Variants in SZT2 observed in about 807,000 individuals in gnomAD.
The protein encoded by SZT2 is KICSTOR complex protein SZT2.
SZT2 carries 216 observed loss-of-function variants against 404.2 expected under a neutral mutation model. That is an observed-to-expected ratio of 0.53 (90% CI 0.48 to 0.60). The LOEUF (loss-of-function observed/expected upper bound fraction) is 0.60, where lower values mean the gene tolerates loss of function less well. Among genes scored for constraint, SZT2 ranks in the 20% least tolerant of loss-of-function variants. SZT2 has a pLI of 0.00. For missense variants in SZT2, 3,857 were observed against 4,459.2 expected (o/e 0.86, Z 3.85); for synonymous variants, 1,693 against 1,749.9 (o/e 0.97, Z 0.81).
chr1:43,430,068 T>G lies in SZT2; in HGVS notation c.4366T>G (p.Tyr1456Asp). ...CCGCACAGTGCCTTCCAATCCCCAC[T>G]ACTTCTTCTATTGCCCTCCATCCAG... is the stretch of plus-strand genomic sequence containing the variant. ...HFRTVPSNPH[Y>D]FFYCPPSSRR... is the part of the protein sequence containing the mutation. The change falls in exon 30 of 72, where the codon TAC becomes GAC. Residue 1456 changes from tyrosine (Y) to aspartate (D), a missense_variant. By Grantham distance (160) the Tyr-to-Asp change is radical (BLOSUM62 -3). Coordinates refer to ENST00000634258, the MANE Select transcript of SZT2 (RefSeq NM_001365999.1). 6.2e-7 allele frequency: 1 copy of G among 1,614,174 alleles called. No homozygotes were observed. Among genetic ancestry groups the G allele is most frequent in the Non-Finnish European group, 8.5e-7 (1 of 1,180,014 alleles).
chr1:43,414,866 G>A (rs1651515293), intron 4 of SZT2, among the ~76,000 whole-genome samples: 1 of 152,194 alleles, frequency 6.6e-6, no homozygotes, highest in African/African-American at 2.4e-5. Context: ...GGGAAGTTGT[G>A]ACCCCAGATA....
chr1:43,435,310 G>A lies in SZT2; in HGVS notation c.6015G>A (p.Arg2005=). Residue 2005 remains arginine (R), a synonymous_variant, in exon 42 of 72, where the codon CGG becomes CGA. Coordinates refer to ENST00000634258, the MANE Select transcript of SZT2 (RefSeq NM_001365999.1). Reference sequence around the variant, plus strand: ...AGACTCCCTTCCACTCCCGTCAGCGGGCACCACTGCCCAGTGATGGTGAGA... The same window carrying A: ...AGACTCCCTTCCACTCCCGTCAGCGAGCACCACTGCCCAGTGATGGTGAGA... ...RSETPFHSRQ[R]APLPSDDYAA... 2 of 1,614,090 alleles carry A rather than the reference G, an allele frequency of 1.2e-6. No homozygotes were observed. The highest frequency in any genetic ancestry group is 1.7e-6 in the Non-Finnish European group (2 of 1,179,982).
Position 43,428,472 on chromosome 1 carries a change from A to G in SZT2, c.4152A>G (p.Leu1384=), listed in dbSNP as rs1390167111. The stretch of plus-strand genomic sequence containing the variant: ...CTGAACCTCGGGAACGAGCTATCCT[A>G]GCTTCTGAATCCAGGTTAGGATTAT... ...EGAEPRERAI[L]ASESSIETED... Residue 1384 remains leucine, a synonymous_variant, in exon 28 of 72, where the codon CTA becomes CTG. Coordinates refer to ENST00000634258, the MANE Select transcript of SZT2 (RefSeq NM_001365999.1). 6.2e-7 allele frequency: 1 copy of G among 1,613,840 alleles called. No homozygotes were observed. Among genetic ancestry groups the G allele is most frequent in the Non-Finnish European group, 8.5e-7 (1 of 1,179,992 alleles).
chr1:43,431,627 T>C, intron 35 of SZT2, 89 bp from the exon 36 acceptor site: 1 of 1,596,682 alleles, frequency 6.3e-7, no homozygotes. Flanking sequence ...TCTCTCAGTC[T>C]GTGAGGCAAA....
At position 43,434,389 on chromosome 1, in the gene SZT2, C is replaced by A. The variant is rs753711695; in HGVS notation, c.5808C>A (p.Ser1936Arg). 1 of 1,592,050 alleles carries A rather than the reference C, an allele frequency of 6.3e-7. No individual in the cohort carries two copies. Among genetic ancestry groups the A allele is most frequent in the Non-Finnish European group, 8.5e-7 (1 of 1,170,714 alleles). Reference protein sequence around the residue: ...DRVEVYAHARSLIREDGGPGT... With the variant: ...DRVEVYAHARRLIREDGGPGT... ...TCAGATTATCCTTCCTTCCCAGGAG[C>A]CTGATTCGGGAGGATGGGGGGCCGG... is the stretch of plus-strand genomic sequence containing the variant. Residue 1936 changes from serine to arginine, a missense_variant, in exon 41 of 72, where the codon AGC becomes AGA. Ser to Arg is a moderately radical substitution (Grantham distance 110). Transcript: ENST00000634258.
Position 43,453,171 on chromosome 1 carries a change from G to A in SZT2, c.*2691G>A. ...CTAGGCAGACTGAGCTCCCAGCATG[G>A]GATCCCAGCATGGGGTGAGCATGAA... On this transcript the variant is annotated 3_prime_UTR_variant, in exon 72 of 72. Transcript: ENST00000634258. 1.5e-6 allele frequency: 1 copy of A among 654,248 alleles called. No homozygotes were observed. Among genetic ancestry groups the A allele is most frequent in the Non-Finnish European group, 2.7e-6 (1 of 364,552 alleles). 40.5% of individuals were successfully genotyped at this position (654,248 alleles called of 1,614,324 possible).
chr1:43,447,414 G>A, intron 66 of SZT2, 131 bp from the exon 67 acceptor site: 1 of 1,283,580 alleles, frequency 7.8e-7, no homozygotes, highest in South Asian at 1.5e-5. Flanking sequence ...AGGAATGCAG[G>A]AGCTCCTAAG....
In SZT2 at chr1:43,422,073, C is replaced by T; in HGVS notation, c.1627-10C>T. The T allele has an allele frequency of 6.3e-7, 1 of 1,591,764 alleles. No individual in the cohort carries two copies. Among genetic ancestry groups the T allele is most frequent in the Non-Finnish European group, 8.5e-7 (1 of 1,174,742 alleles). Reference sequence around the variant, plus strand: ...AAATGCTCCTATAGTGCTGTCCTTCCTGTCCTCAGGTGCTCTCCCTCCAGC... The same window carrying T: ...AAATGCTCCTATAGTGCTGTCCTTCTTGTCCTCAGGTGCTCTCCCTCCAGC... On this transcript the variant is annotated splice_polypyrimidine_tract_variant and intron_variant, in intron 11 of 71. Transcript: ENST00000634258.
chr1:43,423,040 C>T (rs1350071218), intron 14 of SZT2, 59 bp from the exon 15 acceptor site: 2 of 1,529,056 alleles, frequency 1.3e-6, no homozygotes, highest in African/African-American at 2.7e-5. Context: ...TCTGTGAGCC[C>T]CTTCTCCCAG....
In SZT2 at chr1:43,423,227, G is replaced by A; in HGVS notation, c.2166G>A (p.Lys722=). 2 of 1,594,476 alleles carry A rather than the reference G, an allele frequency of 1.3e-6. No individual in the cohort carries two copies. The highest frequency in any genetic ancestry group is 2.2e-5 in the East Asian group (1 of 44,836). Reference sequence around the variant, plus strand: ...CTGGTGGGGGCAGCTCTCCCTCCAAGTCACCCCCCGTGCTGGGGCCACAGC... The same window carrying A: ...CTGGTGGGGGCAGCTCTCCCTCCAAATCACCCCCCGTGCTGGGGCCACAGC... ...GGAGGGSSPS[K]SPPVLGPQQA... The change falls in exon 15 of 72, where the codon AAG becomes AAA. Residue 722 remains lysine, a synonymous_variant. Coordinates refer to ENST00000634258, the MANE Select transcript of SZT2 (RefSeq NM_001365999.1).
At position 43,433,397 on chromosome 1, in the gene SZT2, G is replaced by A. The variant is rs74069989; in HGVS notation, c.5804+207G>A. Among the ~76,000 whole-genome samples, 4,651 of 152,318 alleles carry A rather than the reference G, an allele frequency of 0.031. 233 individuals are homozygous for A. The highest frequency in any genetic ancestry group is 0.11 in the African/African-American group (4,436 of 41,550). ...TCACATTCAACTGTCTTATAGATGAGAGTCGAAAAGCTGATGGGGATTTTG... is the reference window on the plus strand; with the variant it reads ...TCACATTCAACTGTCTTATAGATGAAAGTCGAAAAGCTGATGGGGATTTTG... On this transcript the variant is annotated intron_variant, in intron 40 of 71. Coordinates refer to ENST00000634258, the MANE Select transcript of SZT2 (RefSeq NM_001365999.1).
intron 62 of SZT2, among the ~76,000 whole-genome samples, chr1:43,444,166 G>A (rs1404049628): frequency 1.3e-5 from 2 of 151,938 alleles, no homozygotes; most frequent in Non-Finnish European, 2.9e-5. Flanking sequence ...GCGCGATCTC[G>A]GCTCACTGCA....
Position 43,448,101 on chromosome 1 carries a change from A to G in SZT2, c.9586A>G (p.Thr3196Ala). 1 of 1,596,840 alleles carries G rather than the reference A, an allele frequency of 6.3e-7. No homozygotes were observed. Among genetic ancestry groups the G allele is most frequent in the Non-Finnish European group, 8.6e-7 (1 of 1,168,900 alleles). ...VLRLQFFVVLTSQRELFPRLT... is the reference protein window; with the variant it reads ...VLRLQFFVVLASQRELFPRLT... ...CAGGCTACAGTTCTTCGTGGTGCTC[A>G]CCAGCCAGCGAGAGCTCTTCCCCAG... Residue 3196 changes from threonine (T) to alanine (A), a missense_variant, in exon 69 of 72, where the codon ACC becomes GCC. By Grantham distance (58) the Thr-to-Ala change is moderately conservative (BLOSUM62 0). Transcript: ENST00000634258. The surrounding 1 kb of genome is among the most constrained non-coding windows in gnomAD (Gnocchi z 4.2).
chr1:43,443,129 A>C (rs1490344372), intron 59 of SZT2, 43 bp downstream of exon 59: 1 of 1,612,902 alleles, frequency 6.2e-7, no homozygotes, highest in Non-Finnish European at 8.5e-7. Flanking sequence ...AAATCTGTGG[A>C]GTCTGGGAGG....
In SZT2 at chr1:43,448,942, A is replaced by G. The variant is rs891987032; in HGVS notation, c.10086+214A>G. Reference sequence around the variant, plus strand: ...CTCTGCCCTCAAAGACTCACCAAGAATACAAGCCTTGGCTTGAGATCCTGA... The same window carrying G: ...CTCTGCCCTCAAAGACTCACCAAGAGTACAAGCCTTGGCTTGAGATCCTGA... On this transcript the variant is annotated intron_variant, in intron 70 of 71. Coordinates refer to ENST00000634258, the MANE Select transcript of SZT2 (RefSeq NM_001365999.1). The surrounding 1 kb of genome is among the most constrained non-coding windows in gnomAD (Gnocchi z 4.2). 1 of 560,216 alleles carries G rather than the reference A, an allele frequency of 1.8e-6. No individual in the cohort carries two copies. Among genetic ancestry groups the G allele is most frequent in the Non-Finnish European group, 3.2e-6 (1 of 314,582 alleles). The allele number at this position is 560,216 out of a possible 1,614,324, so 34.7% of individuals were successfully genotyped here.
rs758780861 is a variant in SZT2 at position 43,452,325 on chromosome 1, G to C, written c.*1845G>C. 1.9e-6 allele frequency: 3 copies of C among 1,610,154 alleles called. No individual in the cohort carries two copies. In the South Asian group the frequency reaches 3.3e-5, roughly 18 times the overall value. On this transcript the variant is annotated 3_prime_UTR_variant, in exon 72 of 72. Transcript: ENST00000634258. Reference sequence around the variant, plus strand: ...GGCCAGCCATCAGGTGGATCCTGTGGGGAAGATGGACTGGAGGCCTTGCCT... The same window carrying C: ...GGCCAGCCATCAGGTGGATCCTGTGCGGAAGATGGACTGGAGGCCTTGCCT...
intron 7 of SZT2, among the ~76,000 whole-genome samples, 185 bp downstream of exon 7, chr1:43,416,826 T>G (rs1302490206): frequency 6.6e-6 from 1 of 152,198 alleles, no homozygotes; most frequent in Non-Finnish European, 1.5e-5. Flanking sequence ...TTTTCCTCTT[T>G]CCTTAGGATT....
chr1:43,410,362 C>G (rs1007014672), intron 4 of SZT2: 5 of 151,946 alleles, frequency 3.3e-5, no homozygotes, highest in African/African-American at 1.2e-4. Context: ...ACCAGCCTGG[C>G]CAAGATGGTG....
Position 43,437,933 on chromosome 1 carries a change from C to T in SZT2, c.6508+31C>T. On this transcript the variant is annotated intron_variant, in intron 46 of 71. Transcript: ENST00000634258. The surrounding 1 kb of genome is among the most constrained non-coding windows in gnomAD (Gnocchi z 5.3). ...GTCTGAGGAGGGGGTAGGGGAGTCG[C>T]CACATGAGGTTCCAGAATCCTCTGG... is the stretch of plus-strand genomic sequence containing the variant. 1 of 1,605,832 alleles carries T rather than the reference C, an allele frequency of 6.2e-7. No homozygotes were observed. The highest frequency in any genetic ancestry group is 8.5e-7 in the Non-Finnish European group (1 of 1,172,734).
Sources: allele counts gnomAD v4.1 joint callset (sites outside exome capture counted in the v4.1 genomes callset), GRCh38; gene constraint gnomAD v4.1.1; non-coding constraint Gnocchi (gnomAD v3.1); transcripts MANE v1.5; gene names NCBI Gene and HGNC (gene_info 2026-07-23, HGNC 2026-07-21).